NKAIN3: variants seen among roughly 807,000 people sequenced by gnomAD.
NKAIN3 encodes sodium/potassium-transporting ATPase subunit beta-1-interacting protein 3.
A neutral mutation model predicts 30.2 loss-of-function variants in NKAIN3; 25 were observed. The observed-to-expected ratio is 0.83, with a 90% CI of 0.60 to 1.16. The LOEUF (loss-of-function observed/expected upper bound fraction) is 1.16, where lower values mean the gene tolerates loss of function less well. Among genes scored for constraint, NKAIN3 ranks in the 50% most tolerant of loss-of-function variants. The pLI is 0.00. For missense variants in NKAIN3, 225 were observed against 254.1 expected, an observed-to-expected ratio of 0.89 and a Z score of 0.78; for synonymous variants, 91 against 89.6, an observed-to-expected ratio of 1.02 and a Z score of -0.09.
At chr8:62,390,773 G>A (rs1817564859) in intron 1 of NKAIN3, among the ~76,000 whole-genome samples, 1 of 152,098 alleles carries the variant, frequency 6.6e-6, no homozygotes, top group South Asian at 2.1e-4. Flanking sequence ...GTTTGGATTT[G>A]CATTTCTCTA....
chr8:62,631,468 G>T (rs950230034), intron 3 of NKAIN3, among the ~76,000 whole-genome samples: 16 of 152,082 alleles, frequency 1.1e-4, no homozygotes, highest in African/African-American at 3.6e-4. Flanking sequence ...TAATTTTCCT[G>T]AGATGAAAAT....
At chr8:62,763,690 T>G (rs1386042611) in intron 4 of NKAIN3, among the ~76,000 whole-genome samples, 1 of 152,212 alleles carries the variant, frequency 6.6e-6, no homozygotes, top group Non-Finnish European at 1.5e-5. Context: ...TATCATGGAT[T>G]TTGAAGTCAA....
chr8:62,855,243 G>A (rs10957248), intron 4 of NKAIN3: 35,545 of 424,696 alleles, frequency 0.084, 2,431 homozygotes, highest in East Asian at 0.27. Context: ...TTAACTGGCT[G>A]GGAACAAGGC....
intron 1 of NKAIN3, among the ~76,000 whole-genome samples, chr8:62,348,049 A>C (rs1816062125): frequency 6.6e-6 from 1 of 152,126 alleles, no homozygotes; most frequent in South Asian, 2.1e-4. Flanking sequence ...TTTATTTATT[A>C]TCAGTATTTT....
chr8:62,467,282 A>G (rs1806191065), intron 1 of NKAIN3, among the ~76,000 whole-genome samples: 3 of 152,308 alleles, frequency 2.0e-5, no homozygotes, highest in Admixed American at 1.3e-4. Flanking sequence ...AAACTGCATC[A>G]CCACAAAGAG....
intron 1 of NKAIN3, among the ~76,000 whole-genome samples, chr8:62,391,801 ATGTGTGGGTGTGTGTATGCG>A (rs920970708): frequency 4.6e-5 from 7 of 151,808 alleles, no homozygotes; most frequent in African/African-American, 1.4e-4. Context: ...ATGTGTGTGA[ATGTGTGGGTGTGTGTATGCG>A]TGTGTGGGTG....
intron 1 of NKAIN3, among the ~76,000 whole-genome samples, chr8:62,506,230 G>T (rs545189247): frequency 7.0e-6 from 1 of 141,960 alleles, no homozygotes; most frequent in African/African-American, 2.8e-5. Context: ...GAGAATATTG[G>T]GGGGGGGGAC....
At chr8:62,831,610 C>T (rs1819199494) in intron 4 of NKAIN3, among the ~76,000 whole-genome samples, 2 of 152,076 alleles carry the variant, frequency 1.3e-5, no homozygotes, top group Non-Finnish European at 2.9e-5. Context: ...ATAGACTAGA[C>T]CAAGCAGAAG....
intron 1 of NKAIN3, among the ~76,000 whole-genome samples, chr8:62,359,025 A>G (rs1457818213): frequency 6.6e-6 from 1 of 152,140 alleles, no homozygotes; most frequent in Non-Finnish European, 1.5e-5. Flanking sequence ...ACTAAAAAAA[A>G]TACAAAAAAT....
chr8:62,917,455 C>T (rs1021079637), intron 4 of NKAIN3, among the ~76,000 whole-genome samples: 1 of 152,172 alleles, frequency 6.6e-6, no homozygotes, highest in Non-Finnish European at 1.5e-5. Flanking sequence ...CTCACCCTCT[C>T]AGGGCTTCTT....
intron 4 of NKAIN3, among the ~76,000 whole-genome samples, chr8:62,822,573 G>T (rs1818881596): frequency 6.6e-6 from 1 of 152,104 alleles, no homozygotes; most frequent in Admixed American, 6.6e-5. Context: ...ACCCAGTTTG[G>T]AACATAATTT....
chr8:62,371,287 A>G (rs537371551), intron 1 of NKAIN3, among the ~76,000 whole-genome samples: 3 of 152,036 alleles, frequency 2.0e-5, no homozygotes, highest in African/African-American at 7.2e-5. Flanking sequence ...AATTCTTTCA[A>G]GAACCATCTA....
intron 4 of NKAIN3, among the ~76,000 whole-genome samples, chr8:62,769,113 A>C (rs1816939157): frequency 6.6e-6 from 1 of 152,222 alleles, no homozygotes; most frequent in Admixed American, 6.5e-5. Flanking sequence ...CTTAGATTGC[A>C]CCACTAATCT....
chr8:62,884,816 G>T (rs1402176355), intron 4 of NKAIN3, among the ~76,000 whole-genome samples: 1 of 152,006 alleles, frequency 6.6e-6, no homozygotes, highest in East Asian at 1.9e-4. Context: ...GATGTGTAGT[G>T]ATGTCCCCTC....
At chr8:62,815,876 A>G (rs1354966789) in intron 4 of NKAIN3, among the ~76,000 whole-genome samples, 3 of 152,040 alleles carry the variant, frequency 2.0e-5, no homozygotes, top group Admixed American at 2.0e-4. Context: ...ATATTTCAAT[A>G]TTTCTGTTTG....
chr8:62,636,506 A>G (rs546958826), intron 3 of NKAIN3, among the ~76,000 whole-genome samples: 2 of 152,344 alleles, frequency 1.3e-5, no homozygotes, highest in South Asian at 4.1e-4. Flanking sequence ...TGAAATTTAC[A>G]GTAGTAAAGA....
At chr8:62,398,907 T>C (rs973920862) in intron 1 of NKAIN3, among the ~76,000 whole-genome samples, 1 of 152,134 alleles carries the variant, frequency 6.6e-6, no homozygotes, top group Non-Finnish European at 1.5e-5. Context: ...CTGGCTAGCA[T>C]GGTGAAACCG....
intron 6 of NKAIN3, among the ~76,000 whole-genome samples, chr8:62,961,682 A>G (rs1823575277): frequency 2.0e-5 from 3 of 152,196 alleles, no homozygotes; most frequent in African/African-American, 7.2e-5. Flanking sequence ...AAAAAAACAT[A>G]TTTGCAATTC....
At chr8:62,424,940 A>T (rs960218832) in intron 1 of NKAIN3, among the ~76,000 whole-genome samples, 1 of 151,902 alleles carries the variant, frequency 6.6e-6, no homozygotes, top group African/African-American at 2.4e-5. Flanking sequence ...ACATACAATG[A>T]ATTATTATTC....
Sources: allele counts gnomAD v4.1 joint callset (sites outside exome capture counted in the v4.1 genomes callset), GRCh38; gene constraint gnomAD v4.1.1; transcripts MANE v1.5; gene names NCBI Gene and HGNC (gene_info 2026-07-23, HGNC 2026-07-21).